STPG2: variants seen among roughly 807,000 people sequenced by gnomAD.
The protein encoded by STPG2 is sperm tail PG-rich repeat containing 2.
In STPG2, 56 loss-of-function variants were observed where a neutral mutation model predicts 54.2. That is an observed-to-expected ratio of 1.03 (90% CI 0.83 to 1.29). The LOEUF is 1.29. Ranked by LOEUF, STPG2 falls within the 50% of genes most tolerant of loss-of-function variation. The pLI is 0.00. For missense variants in STPG2, 596 were observed against 544.9 expected, an observed-to-expected ratio of 1.09 and a Z score of -0.93; for synonymous variants, 200 against 181.8, an observed-to-expected ratio of 1.10 and a Z score of -0.81.
chr4:97,486,392 C>T (rs1225929732), intron 4 of STPG2, among the ~76,000 whole-genome samples: 2 of 151,576 alleles, frequency 1.3e-5, no homozygotes, highest in African/African-American at 4.8e-5. Flanking sequence ...ACAAGATATA[C>T]AAATGACCAA....
At chr4:97,466,427 A>G (rs1729790525) in intron 4 of STPG2, among the ~76,000 whole-genome samples, 1 of 152,030 alleles carries the variant, frequency 6.6e-6, no homozygotes, top group East Asian at 1.9e-4. Context: ...CTGCCTCTTA[A>G]TAGTTTTGTG....
intron 4 of STPG2, among the ~76,000 whole-genome samples, chr4:97,476,613 G>A (rs1730078502): frequency 6.6e-6 from 1 of 152,056 alleles, no homozygotes; most frequent in African/African-American, 2.4e-5. Flanking sequence ...TAAGATTAGT[G>A]TTTTAACATT....
intron 6 of STPG2, 90 bp downstream of exon 6, chr4:97,981,068 GA>G: frequency 7.2e-7 from 1 of 1,386,336 alleles, no homozygotes; most frequent in Non-Finnish European, 9.7e-7. Context: ...GGACAAAAAA[GA>G]AAACATACTC....
At chr4:97,921,451 G>A (rs1732103896) in intron 8 of STPG2, among the ~76,000 whole-genome samples, 1 of 151,926 alleles carries the variant, frequency 6.6e-6, no homozygotes, top group Admixed American at 6.6e-5. Context: ...GTTCAATAAA[G>A]AGATAGAAGC....
At chr4:97,769,387 G>A (rs1726157890) in intron 9 of STPG2, among the ~76,000 whole-genome samples, 1 of 152,222 alleles carries the variant, frequency 6.6e-6, no homozygotes, top group South Asian at 2.1e-4. Flanking sequence ...GCCCAGTCAA[G>A]ATCAGTTGAA....
intron 4 of STPG2, among the ~76,000 whole-genome samples, chr4:97,538,588 G>T (rs924524578): frequency 6.6e-6 from 1 of 152,164 alleles, no homozygotes; most frequent in Admixed American, 6.5e-5. Context: ...AAAGTGATGG[G>T]GAGAATGGAG....
chr4:98,033,134 A>G (rs1306204307), intron 5 of STPG2, among the ~76,000 whole-genome samples: 1 of 152,012 alleles, frequency 6.6e-6, no homozygotes, highest in African/African-American at 2.4e-5. Flanking sequence ...CACACAAAAA[A>G]AACCCTTCAA....
intron 10 of STPG2, among the ~76,000 whole-genome samples, chr4:97,614,463 T>G (rs1391634844): frequency 6.6e-6 from 1 of 152,128 alleles, no homozygotes; most frequent in Non-Finnish European, 1.5e-5. Context: ...CCAGTAATTT[T>G]TCTGCTAGAG....
At chr4:97,550,475 T>C (rs1439744643) in intron 4 of STPG2, among the ~76,000 whole-genome samples, 1 of 152,198 alleles carries the variant, frequency 6.6e-6, no homozygotes, top group Non-Finnish European at 1.5e-5. Context: ...TGGTTTGGGC[T>C]TATAATACGG....
intron 5 of STPG2, among the ~76,000 whole-genome samples, chr4:98,022,117 G>T (rs369318218): frequency 6.7e-6 from 1 of 149,160 alleles, no homozygotes; most frequent in African/African-American, 2.5e-5. Context: ...TAGCCTTGAT[G>T]GTCTTTACAA....
intron 8 of STPG2, among the ~76,000 whole-genome samples, chr4:97,860,300 C>A (rs577369596): frequency 9.2e-5 from 14 of 151,966 alleles, no homozygotes; most frequent in African/African-American, 3.4e-4. Context: ...TGCATTAAAT[C>A]TGTAGATTGC....
intron 7 of STPG2, among the ~76,000 whole-genome samples, chr4:97,947,626 G>A (rs1221646423): frequency 6.6e-6 from 1 of 151,898 alleles, no homozygotes; most frequent in Non-Finnish European, 1.5e-5. Context: ...AAAGATGCTA[G>A]ATTTTATCAA....
intron 8 of STPG2, among the ~76,000 whole-genome samples, chr4:97,935,632 T>C (rs1732721876): frequency 6.6e-6 from 1 of 152,170 alleles, no homozygotes; most frequent in South Asian, 2.1e-4. Flanking sequence ...CTTAATTTCA[T>C]TATTTACCCA....
chr4:97,948,098 G>T (rs1467306644), intron 7 of STPG2, among the ~76,000 whole-genome samples: 1 of 151,798 alleles, frequency 6.6e-6, no homozygotes, highest in Non-Finnish European at 1.5e-5. Flanking sequence ...TTATTGGTCT[G>T]GTCTGGGTTG....
intron 5 of STPG2, among the ~76,000 whole-genome samples, chr4:98,062,259 CAAA>C (rs35561562): frequency 0.39 from 58,993 of 150,852 alleles, 11,644 homozygotes; most frequent in Middle Eastern, 0.45. Context: ...TTTATGAACA[CAAA>C]GAAGCAAACA....
chr4:97,553,283 A>G (rs1405332535), intron 4 of STPG2, among the ~76,000 whole-genome samples: 1 of 152,214 alleles, frequency 6.6e-6, no homozygotes, highest in African/African-American at 2.4e-5. Context: ...ACATTGGTAT[A>G]TCATGGCCAT....
intron 5 of STPG2, among the ~76,000 whole-genome samples, chr4:98,009,657 G>A (rs981921844): frequency 7.2e-6 from 1 of 138,610 alleles, no homozygotes; most frequent in Admixed American, 7.1e-5. Flanking sequence ...GAATGATAAT[G>A]ATATATCCAT....
chr4:97,456,891 C>CAAAAAAAAAAAAAAAAAAAAAAA (rs57563048), intron 4 of STPG2, among the ~76,000 whole-genome samples: 1 of 48,920 alleles, frequency 2.0e-5, no homozygotes, highest in African/African-American at 1.1e-4. Context: ...TGCTCCGTCT[C>CAAAAAAAAAAAAAAAAAAAAAAA]AAAAAAAAAA....
At chr4:97,562,164 G>A (rs1036535506) in intron 10 of STPG2, among the ~76,000 whole-genome samples, 7 of 152,092 alleles carry the variant, frequency 4.6e-5, no homozygotes, top group South Asian at 2.1e-4. Flanking sequence ...CACGTCCCTC[G>A]TAAGGTGGAT....
Sources: gnomAD v4.1 joint callset for allele counts (sites outside exome capture counted in the v4.1 genomes callset) on GRCh38, gnomAD v4.1.1 for gene constraint, MANE v1.5 for transcripts, NCBI Gene and HGNC (gene_info 2026-07-23, HGNC 2026-07-21) for gene names.